The following TAB1 variants were observed in gnomAD, a reference collection of about 807,000 sequenced individuals.
TAB1 encodes the protein TGF-beta activated kinase 1 (MAP3K7) binding protein 1.
TAB1 carries 30 observed loss-of-function variants against 54.5 expected under a neutral mutation model. The ratio of observed to expected loss-of-function variants is 0.55; its 90% CI spans 0.41 to 0.75. TAB1 has a LOEUF of 0.75. TAB1 is among the 30% of genes least tolerant of loss of function. The probability of loss-of-function intolerance (pLI) is 0.00; values close to 1 mark genes in which losing one functional copy is unlikely to be tolerated. For missense variants in TAB1, 609 were observed against 683.2 expected (o/e 0.89, Z 1.21); for synonymous variants, 289 against 286.9 (o/e 1.01, Z -0.07).
At chr22:39,419,660 T>C in intron 7 of TAB1, 30 bp downstream of exon 7, 1 of 1,530,218 alleles carries the variant, frequency 6.5e-7, no homozygotes, top group East Asian at 2.3e-5. Flanking sequence ...TCCCCTGTGC[T>C]TGAAAGAACA....
At chr22:39,406,309 A>G (rs1372839216) in intron 1 of TAB1, among the ~76,000 whole-genome samples, 6 of 151,184 alleles carry the variant, frequency 4.0e-5, no homozygotes, top group African/African-American at 1.5e-4. Context: ...TGAGGCAGAG[A>G]ATTGCTTAAA....
At chr22:39,406,720 C>A (rs901623679) in intron 1 of TAB1, among the ~76,000 whole-genome samples, 2 of 152,006 alleles carry the variant, frequency 1.3e-5, no homozygotes, top group Admixed American at 6.6e-5. Flanking sequence ...GCAAGCTCTG[C>A]CTCCCGGGTT....
chr22:39,414,127 G>A (rs1226551046), intron 1 of TAB1, among the ~76,000 whole-genome samples: 2 of 152,138 alleles, frequency 1.3e-5, no homozygotes, highest in Admixed American at 6.5e-5. Flanking sequence ...TCAGGGTGCC[G>A]TTGGGGTACA....
At chr22:39,420,882 C>CTGTGTGTGTG (rs3043618) in intron 7 of TAB1, among the ~76,000 whole-genome samples, 19 of 14,386 alleles carry the variant, frequency 1.3e-3, no homozygotes, top group African/African-American at 3.9e-3. Context: ...GTGTCTCTCT[C>CTGTGTGTGTG]TGTGTGTGTG....
chr22:39,417,637 G>A (rs1262743661), intron 4 of TAB1, 74 bp from the exon 5 acceptor site: 3 of 1,398,878 alleles, frequency 2.1e-6, no homozygotes, highest in Middle Eastern at 2.1e-4. Context: ...AAAAAAAAGA[G>A]TAAAGGGAGT....
chr22:39,428,003 A>G lies in TAB1; in HGVS notation c.1145-18A>G, dbSNP rs774272951. ...TCCTCAGCTGCTGCCTGAGGCCCCC[A>G]CTCTCTTCCTCCCAAAGCTGCAGGA... On this transcript the variant is annotated intron_variant, in intron 9 of 10. Transcript: ENST00000216160. 11 of 1,562,664 alleles carry G rather than the reference A, an allele frequency of 7.0e-6. No homozygotes were observed. Among genetic ancestry groups the G allele is most frequent in the African/African-American group, 1.4e-5 (1 of 74,034 alleles).
At chr22:39,436,287 C>T (rs1035366837), downstream of TAB1, among the ~76,000 whole-genome samples, 4 of 150,932 alleles carry the variant, frequency 2.7e-5, no homozygotes, top group African/African-American at 2.4e-5. Context: ...AGCGAGACTC[C>T]GTCTCAAAAA....
At chr22:39,408,440 G>A (rs925805587) in intron 1 of TAB1, among the ~76,000 whole-genome samples, 6 of 152,202 alleles carry the variant, frequency 3.9e-5, no homozygotes, top group African/African-American at 9.6e-5. Flanking sequence ...TTCCTCAGTT[G>A]CCTGTTTGAG....
At chr22:39,436,499 C>T (rs1220397205), downstream of TAB1, 7 of 1,613,738 alleles carry the variant, frequency 4.3e-6, no homozygotes, top group South Asian at 1.1e-5. Flanking sequence ...GAGACCCTTC[C>T]AGGCCTGCAA....
chr22:39,429,626 C>T (rs35964076), intron 10 of TAB1, among the ~76,000 whole-genome samples: 2,715 of 152,220 alleles, frequency 0.018, 90 homozygotes, highest in African/African-American at 0.062. Context: ...TACAGGCACA[C>T]GCCACCATGC....
downstream of TAB1, among the ~76,000 whole-genome samples, chr22:39,434,604 G>T (rs548747726): frequency 2.6e-5 from 4 of 152,362 alleles, no homozygotes; most frequent in Admixed American, 1.3e-4. Flanking sequence ...CATTCCACGA[G>T]CCTGGGCGGC....
intron 1 of TAB1, among the ~76,000 whole-genome samples, chr22:39,406,835 G>A (rs2145656922): frequency 6.6e-6 from 1 of 152,106 alleles, no homozygotes; most frequent in East Asian, 1.9e-4. Flanking sequence ...GGGTTTCACC[G>A]TGTTAGCCAG....
At position 39,426,888 on chromosome 22, in the gene TAB1, G is replaced by A; in HGVS notation, c.1107G>A (p.Leu369=). Reference sequence around the variant, plus strand: ...TAGTGAGGAACTTTGGCTACCCGCTGGGCGAAATGAGCCAGCCCACACCGA... The same window carrying A: ...TAGTGAGGAACTTTGGCTACCCGCTAGGCGAAATGAGCCAGCCCACACCGA... ...TLLVRNFGYP[L]GEMSQPTPSP... is the part of the protein sequence containing the mutation. Residue 369 remains leucine (L), a synonymous_variant, in exon 9 of 11, where the codon CTG becomes CTA. Coordinates refer to ENST00000216160, the MANE Select transcript of TAB1 (RefSeq NM_006116.3). 1.2e-6 allele frequency: 2 copies of A among 1,612,738 alleles called. No individual in the cohort carries two copies. Among genetic ancestry groups the A allele is most frequent in the Non-Finnish European group, 1.7e-6 (2 of 1,179,916 alleles).
At chr22:39,407,985 A>T (rs540059790) in intron 1 of TAB1, among the ~76,000 whole-genome samples, 1 of 152,296 alleles carries the variant, frequency 6.6e-6, no homozygotes, top group East Asian at 1.9e-4. Context: ...GCTGAAGTAT[A>T]CAGAGTAGCA....
At chr22:39,413,979 G>T (rs2145665678) in intron 1 of TAB1, among the ~76,000 whole-genome samples, 1 of 152,332 alleles carries the variant, frequency 6.6e-6, no homozygotes, top group African/African-American at 2.4e-5. Flanking sequence ...TTCAGAAATT[G>T]TGTTTAGGCC....
downstream of TAB1, among the ~76,000 whole-genome samples, chr22:39,435,111 C>T (rs1304312980): frequency 6.6e-6 from 1 of 152,180 alleles, no homozygotes; most frequent in Non-Finnish European, 1.5e-5. Flanking sequence ...CATCGCCCTG[C>T]AGAAAACTAC....
At position 39,419,623 on chromosome 22, in the gene TAB1, C is replaced by A; in HGVS notation, c.769C>A (p.Leu257Ile). 1 of 1,607,914 alleles carries A rather than the reference C, an allele frequency of 6.2e-7. No homozygotes were observed. Residue 257 changes from leucine (L) to isoleucine (I), a missense_variant, in exon 7 of 11, where the codon CTT becomes ATT. By Grantham distance (5) the Leu-to-Ile change is conservative (BLOSUM62 2). Transcript: ENST00000216160. ...TAAATATGGCTACACGGACATTGAC[C>A]TTCTCAGGTAGGTGCCAGCCCAGCT... ...KVKYGYTDIDLLSAAKSKPII... is the reference protein window; with the variant it reads ...KVKYGYTDIDILSAAKSKPII...
At chr22:39,421,061 G>A (rs898658469) in intron 7 of TAB1, among the ~76,000 whole-genome samples, 1 of 149,932 alleles carries the variant, frequency 6.7e-6, no homozygotes, top group African/African-American at 2.5e-5. Flanking sequence ...GTGCTGGTGT[G>A]TCCTGCTCCT....
intron 8 of TAB1, 104 bp downstream of exon 8, chr22:39,422,075 A>G (rs1927116166): frequency 9.0e-7 from 1 of 1,110,126 alleles, no homozygotes. Context: ...GGCCGTCACC[A>G]GACATCTCTG....
Sources: allele counts gnomAD v4.1 joint callset (sites outside exome capture counted in the v4.1 genomes callset), GRCh38; gene constraint gnomAD v4.1.1; transcripts MANE v1.5; gene names NCBI Gene and HGNC (gene_info 2026-07-23, HGNC 2026-07-21).